Variants in ZC3H14 observed in about 807,000 individuals in gnomAD.
ZC3H14 encodes zinc finger CCCH domain-containing protein 14.
Under a neutral mutation model 92.4 loss-of-function variants are expected in ZC3H14, and 31 were observed. The observed-to-expected ratio is 0.34, with a 90% CI of 0.25 to 0.45. The LOEUF (loss-of-function observed/expected upper bound fraction) is 0.45, where lower values mean the gene tolerates loss of function less well. ZC3H14 is among the 20% of genes least tolerant of loss of function. ZC3H14 has a pLI of 1.00. For missense variants in ZC3H14, 781 were observed against 897.3 expected (o/e 0.87, Z 1.66); for synonymous variants, 321 against 300.9 (o/e 1.07, Z -0.69).
chr14:88,585,185 T>C (rs1415329790), intron 9 of ZC3H14, among the ~76,000 whole-genome samples: 1 of 152,160 alleles, frequency 6.6e-6, no homozygotes, highest in Non-Finnish European at 1.5e-5. Flanking sequence ...TATTGGAGAG[T>C]TTAGACCAGT....
chr14:88,594,573 T>C, intron 9 of ZC3H14: 4 of 1,493,754 alleles, frequency 2.7e-6, no homozygotes, highest in Non-Finnish European at 3.5e-6. Context: ...TTACAGGTTT[T>C]AAGATGTTAT....
chr14:88,564,393 G>T (rs1350795459), intron 2 of ZC3H14, among the ~76,000 whole-genome samples: 1 of 152,142 alleles, frequency 6.6e-6, no homozygotes, highest in Non-Finnish European at 1.5e-5. Flanking sequence ...AAGGTAAGTG[G>T]CAGTATCTTT....
rs552653856 is a variant in ZC3H14 at position 88,575,989 on chromosome 14, C to T, written c.1123+49C>T. On this transcript the variant is annotated intron_variant, in intron 8 of 16. Transcript: ENST00000251038. The stretch of plus-strand genomic sequence containing the variant: ...CACTTGGTAAGACATTTCTGTAATT[C>T]TTGAGTAAGGTGAAAATGATTGCTC... 151 of 1,475,136 alleles carry T rather than the reference C, an allele frequency of 1.0e-4. 1 individual carries two copies. In the South Asian group the frequency reaches 1.5e-3, roughly 15 times the overall value. The allele number at this position is 1,475,136 out of a possible 1,614,324, so 91.4% of individuals were successfully genotyped here.
chr14:88,576,977 G>A (rs1173593033), intron 8 of ZC3H14, among the ~76,000 whole-genome samples: 1 of 151,972 alleles, frequency 6.6e-6, no homozygotes, highest in Admixed American at 6.6e-5. Context: ...ATTTTTAGTA[G>A]AGGCGGGGTT....
At chr14:88,586,124 C>T (rs1157021687) in intron 9 of ZC3H14, among the ~76,000 whole-genome samples, 3 of 152,168 alleles carry the variant, frequency 2.0e-5, no homozygotes, top group East Asian at 1.9e-4. Context: ...GCTGAGATTG[C>T]GCCGCTGCAC....
In ZC3H14 at chr14:88,621,376, C is replaced by T. The variant is rs1385343681; in HGVS notation, c.*9625C>T. The stretch of plus-strand genomic sequence containing the variant: ...TTCTTCTTCATAATATAAAAATGAC[C>T]CTATTGACCTGCTTTCAGAGAACTT... On this transcript the variant is annotated 3_prime_UTR_variant, in exon 17 of 17. Transcript: ENST00000251038. 1 of 1,558,322 alleles carries T rather than the reference C, an allele frequency of 6.4e-7. No homozygotes were observed. The highest frequency in any genetic ancestry group is 8.8e-7 in the Non-Finnish European group (1 of 1,137,420).
intron 8 of ZC3H14, among the ~76,000 whole-genome samples, chr14:88,576,999 G>T (rs2081254106): frequency 6.6e-6 from 1 of 151,940 alleles, no homozygotes; most frequent in African/African-American, 2.4e-5. Flanking sequence ...CACCATGTTG[G>T]CCAGGCTGGT....
At chr14:88,596,042 G>A (rs2083774870) in intron 9 of ZC3H14, among the ~76,000 whole-genome samples, 1 of 152,150 alleles carries the variant, frequency 6.6e-6, no homozygotes, top group Non-Finnish European at 1.5e-5. Context: ...TCCCTATTTT[G>A]TGCAGTCAGA....
Position 88,609,577 on chromosome 14 carries a change from T to C in ZC3H14, c.2006-135T>C, listed in dbSNP as rs978217185. On this transcript the variant is annotated intron_variant, in intron 14 of 16. Coordinates refer to ENST00000251038, the MANE Select transcript of ZC3H14 (RefSeq NM_024824.5). ...CCTATCTGTAGTATTCCGAAGTATT[T>C]TGACTAGTGAATATATAAACCTTAC... 3.7e-6 allele frequency: 5 copies of C among 1,364,330 alleles called. No homozygotes were observed. The Admixed American group carries it at 9.3e-5, about 25-fold the overall frequency. The allele number at this position is 1,364,330 out of a possible 1,614,324, so 84.5% of individuals were successfully genotyped here. A position where few individuals can be genotyped will look rare whatever the true frequency, so the allele number is the denominator to read the frequency against.
chr14:88,616,921 GGGCA>G lies in ZC3H14; in HGVS notation c.*5173_*5176del. ...AAAGAAAACTCATCATGGCAAGTGCGGGCAGGTTGACTATATTCAAAAAGTTTCT... is the reference window on the plus strand; with the variant it reads ...AAAGAAAACTCATCATGGCAAGTGCGGGTTGACTATATTCAAAAAGTTTCT... On this transcript the variant is annotated 3_prime_UTR_variant, in exon 17 of 17. Transcript: ENST00000251038. The G allele has an allele frequency of 6.3e-7, 1 of 1,593,516 alleles. No homozygotes were observed. The highest frequency in any genetic ancestry group is 8.6e-7 in the Non-Finnish European group (1 of 1,167,824).
chr14:88,611,672 TTTA>T, intron 16 of ZC3H14, 70 bp from the exon 17 acceptor site: 1 of 1,586,672 alleles, frequency 6.3e-7, no homozygotes, highest in Non-Finnish European at 8.6e-7. Context: ...TAGTCAACTT[TTTA>T]AACTGAGATA....
rs978707102 is a variant in ZC3H14 at position 88,565,178 on chromosome 14, G to A, written c.79+1485G>A. On this transcript the variant is annotated intron_variant, in intron 2 of 16. Transcript: ENST00000251038. ...TTTTTTTTGAGATGGAATTTCACTC[G>A]TTGCCCAGGCTGGAGTGCAGTGGCG... Among the ~76,000 whole-genome samples the A allele has an allele frequency of 7.2e-5, 11 of 152,174 alleles. No individual in the cohort carries two copies. The East Asian group carries it at 1.7e-3, about 24-fold the overall frequency.
intron 1 of ZC3H14, 162 bp downstream of exon 1, chr14:88,563,331 G>C: frequency 6.7e-7 from 1 of 1,494,052 alleles, no homozygotes; most frequent in East Asian, 2.5e-5. Flanking sequence ...CTCGGCCCTG[G>C]GGACATTTGC....
chr14:88,563,769 C>G, intron 2 of ZC3H14, 76 bp downstream of exon 2: 1 of 1,388,006 alleles, frequency 7.2e-7, no homozygotes, highest in Non-Finnish European at 1.0e-6. Context: ...ATGCGTATTT[C>G]TCACCGTACT....
chr14:88,594,306 T>A (rs1034490546), intron 9 of ZC3H14: 2 of 694,320 alleles, frequency 2.9e-6, no homozygotes, highest in African/African-American at 3.9e-5. Context: ...TTCAGTGCTC[T>A]CATCATATGA....
At position 88,613,913 on chromosome 14, in the gene ZC3H14, G is replaced by A. The variant is rs1272812589; in HGVS notation, c.*2162G>A. On this transcript the variant is annotated 3_prime_UTR_variant, in exon 17 of 17. Coordinates refer to ENST00000251038, the MANE Select transcript of ZC3H14 (RefSeq NM_024824.5). ...CGTTGCTGGCTGATACAGCGAGGTG[G>A]TCAGCTGATGACTACTTAGTCAATA... The A allele has an allele frequency of 6.6e-6, 1 of 152,318 alleles. No individual in the cohort carries two copies. Among genetic ancestry groups the A allele is most frequent in the East Asian group, 1.9e-4 (1 of 5,188 alleles). 9.4% of individuals were successfully genotyped at this position (152,318 alleles called of 1,614,324 possible).
In ZC3H14 at chr14:88,625,659, C is replaced by T. The variant is rs1447728526; in HGVS notation, c.*13908C>T. 1 of 153,588 alleles carries T rather than the reference C, an allele frequency of 6.5e-6. No homozygotes were observed. Among genetic ancestry groups the T allele is most frequent in the East Asian group, 1.9e-4 (1 of 5,212 alleles). 9.5% of individuals were successfully genotyped at this position (153,588 alleles called of 1,614,324 possible). A position where few individuals can be genotyped will look rare whatever the true frequency, so the allele number is the denominator to read the frequency against. On this transcript the variant is annotated 3_prime_UTR_variant, in exon 17 of 17. Transcript: ENST00000251038. ...TCAGGTGATCTTCCCGCCTTGGCCT[C>T]CCTAAGTGCTGGGATTATAGGTGTG...
At chr14:88,563,503 G>C (rs2079148165) in intron 1 of ZC3H14, 148 bp from the exon 2 acceptor site, 8 of 1,512,736 alleles carry the variant, frequency 5.3e-6, no homozygotes, top group Admixed American at 1.9e-5. Context: ...GTGCGGGGTG[G>C]GGGGCGGTGC....
rs1273149904 is a variant in ZC3H14 at position 88,621,418 on chromosome 14, C to CTAG, written c.*9671_*9673dup. On this transcript the variant is annotated 3_prime_UTR_variant, in exon 17 of 17. Transcript: ENST00000251038. Reference sequence around the variant, plus strand: ...AGAGAACTTTTTGCTTTGAGCTAATCTAGTAGCAAGGCAGTCATTAGCTCA... The same window carrying CTAG: ...AGAGAACTTTTTGCTTTGAGCTAATCTAGTAGTAGCAAGGCAGTCATTAGCTCA... 2.5e-6 allele frequency: 3 copies of CTAG among 1,210,566 alleles called. No homozygotes were observed. The allele number at this position is 1,210,566 out of a possible 1,614,324, so 75.0% of individuals were successfully genotyped here.
Sources: gnomAD v4.1 joint callset for allele counts (sites outside exome capture counted in the v4.1 genomes callset) on GRCh38, gnomAD v4.1.1 for gene constraint, MANE v1.5 for transcripts, NCBI Gene and HGNC (gene_info 2026-07-23, HGNC 2026-07-21) for gene names.